The following C12orf56 variants were observed in gnomAD, a reference collection of about 807,000 sequenced individuals.
The protein encoded by C12orf56 is uncharacterized protein C12orf56.
A neutral mutation model predicts 69.9 loss-of-function variants in C12orf56; 71 were observed. The ratio of observed to expected loss-of-function variants is 1.02; its 90% CI spans 0.84 to 1.24. C12orf56 has a LOEUF of 1.24. Among genes scored for constraint, C12orf56 ranks in the 50% most tolerant of loss-of-function variants. The pLI is 0.00. For synonymous variants in C12orf56, 276 were observed against 274.1 expected (o/e 1.01, Z -0.07); for missense variants, 732 against 738.5 (o/e 0.99, Z 0.10).
At chr12:64,386,215 T>G (rs868797885) in intron 1 of C12orf56, among the ~76,000 whole-genome samples, 132 of 152,128 alleles carry the variant, frequency 8.7e-4, no homozygotes, top group African/African-American at 2.9e-3. Context: ...TTTGTAATTT[T>G]TAATTTTTAT....
At chr12:64,278,019 G>A (rs568510553) in intron 8 of C12orf56, among the ~76,000 whole-genome samples, 1 of 152,272 alleles carries the variant, frequency 6.6e-6, no homozygotes, top group East Asian at 1.9e-4. Context: ...GGCTCAGAGC[G>A]AGTGTAGTTC....
chr12:64,267,662 C>G (rs549382393), intron 12 of C12orf56: 1 of 174,204 alleles, frequency 5.7e-6, no homozygotes, highest in East Asian at 1.8e-4. Flanking sequence ...TAGAACTCAT[C>G]CCCCACGGCC....
Position 64,318,705 on chromosome 12 carries a change from G to A in C12orf56, c.764C>T (p.Ser255Phe), listed in dbSNP as rs1447504957. The A allele has an allele frequency of 1.3e-6, 2 of 1,537,174 alleles. No individual in the cohort carries two copies. The highest frequency in any genetic ancestry group is 1.7e-6 in the Non-Finnish European group (2 of 1,146,878). Reference protein sequence around the residue: ...GNGNEFYLGNSLLDSPSQSNS... With the variant: ...GNGNEFYLGNFLLDSPSQSNS... ...GCTCTGTGAAGGGGAATCTAAGAGG[G>A]AATTTCCTAAGTAAAACTCATTTCC... is the stretch of plus-strand genomic sequence containing the variant. Residue 255 changes from serine (S) to phenylalanine (F), a missense_variant, in exon 4 of 13, where the codon TCC becomes TTC. Transcript: ENST00000543942.
At chr12:64,326,663 C>T (rs1249677635) in intron 3 of C12orf56, among the ~76,000 whole-genome samples, 1 of 151,866 alleles carries the variant, frequency 6.6e-6, no homozygotes, top group Non-Finnish European at 1.5e-5. Flanking sequence ...CTTAGGGAAC[C>T]CAGGAGGCGG....
At chr12:64,274,002 C>T (rs1261164651) in intron 11 of C12orf56, among the ~76,000 whole-genome samples, 2 of 152,170 alleles carry the variant, frequency 1.3e-5, no homozygotes, top group Non-Finnish European at 2.9e-5. Flanking sequence ...ATGCAAACTG[C>T]AACAGTGACG....
At position 64,270,536 on chromosome 12, in the gene C12orf56, C is replaced by T; in HGVS notation, c.1763G>A (p.Arg588Lys). Residue 588 changes from arginine (R) to lysine (K), a missense_variant and splice_region_variant, in exon 12 of 13, where the codon AGG (arginine) becomes AAG (lysine). Coordinates refer to ENST00000543942, the MANE Select transcript of C12orf56 (RefSeq NM_001170633.2). The part of the protein sequence containing the change: ...YIRNNYREEF[R>K]YFIHMPALQK... ...ATTAGATTCAGACATTTTTTCTTAC[C>T]TGAATTCTTCTCTGTAGTTATTCCT... The T allele has an allele frequency of 6.5e-7, 1 of 1,536,558 alleles. No individual in the cohort carries two copies. Among genetic ancestry groups the T allele is most frequent in the African/African-American group, 1.4e-5 (1 of 71,850 alleles).
chr12:64,374,842 T>TTGAAAA (rs1592500382), intron 1 of C12orf56, among the ~76,000 whole-genome samples: 1 of 151,664 alleles, frequency 6.6e-6, no homozygotes, highest in East Asian at 2.0e-4. Context: ...CCATCCCCAG[T>TTGAAAA]CTTTATTTTC....
At chr12:64,269,775 G>T (rs2037957454) in intron 12 of C12orf56, among the ~76,000 whole-genome samples, 1 of 151,914 alleles carries the variant, frequency 6.6e-6, no homozygotes, top group Admixed American at 6.6e-5. Flanking sequence ...TTTTAGTAGA[G>T]ACGGGGTTTC....
At chr12:64,279,631 C>A (rs575190305) in intron 8 of C12orf56, among the ~76,000 whole-genome samples, 1 of 152,264 alleles carries the variant, frequency 6.6e-6, no homozygotes, top group African/African-American at 2.4e-5. Context: ...TGATTAGAAG[C>A]TCATGATTAA....
In C12orf56 at chr12:64,267,220, A is replaced by G. The variant is rs2037928014; in HGVS notation, c.1832T>C (p.Ile611Thr). ...TTTCAGAACTTCATGAAAAAGTTGA[A>G]TGGTAGGTTGAGTGATGGGGTAACA... ...PLCYPITQPT[I>T]QLFHEVLKLV... is the part of the protein sequence containing the mutation. Residue 611 changes from isoleucine (I) to threonine (T), a missense_variant, in exon 13 of 13, where the codon ATT becomes ACT. By Grantham distance (89) the Ile-to-Thr change is moderately conservative. Coordinates refer to ENST00000543942, the MANE Select transcript of C12orf56 (RefSeq NM_001170633.2). 1 of 1,612,194 alleles carries G rather than the reference A, an allele frequency of 6.2e-7. No homozygotes were observed. The highest frequency in any genetic ancestry group is 1.3e-5 in the African/African-American group (1 of 74,932).
chr12:64,299,067 G>A (rs943055675), intron 6 of C12orf56, among the ~76,000 whole-genome samples: 1 of 152,138 alleles, frequency 6.6e-6, no homozygotes, highest in Non-Finnish European at 1.5e-5. Flanking sequence ...CTTGAGCAGT[G>A]GTTTGTAGTT....
rs751699692 is a variant in C12orf56 at position 64,264,773 on chromosome 12, C to T, written c.*2410G>A. The T allele has an allele frequency of 9.2e-5, 14 of 152,188 alleles. No individual in the cohort carries two copies. The highest frequency in any genetic ancestry group is 1.6e-4 in the Non-Finnish European group (11 of 68,034). 9.4% of individuals were successfully genotyped at this position (152,188 alleles called of 1,614,324 possible). A position where few individuals can be genotyped will look rare whatever the true frequency, so the allele number is the denominator to read the frequency against. ...ACAGCAGAGAAGAATAGTGGTTGGA[C>T]AATCCTTCGAATTATTAGTTTCTGA... On this transcript the variant is annotated 3_prime_UTR_variant, in exon 13 of 13. Coordinates refer to ENST00000543942, the MANE Select transcript of C12orf56 (RefSeq NM_001170633.2).
At chr12:64,374,161 T>G (rs888233096) in intron 1 of C12orf56, among the ~76,000 whole-genome samples, 2 of 152,194 alleles carry the variant, frequency 1.3e-5, no homozygotes, top group African/African-American at 4.8e-5. Context: ...CCCAAAAGAA[T>G]TACCAGTTTT....
At chr12:64,307,582 T>C (rs1434873701) in intron 5 of C12orf56, among the ~76,000 whole-genome samples, 1 of 151,968 alleles carries the variant, frequency 6.6e-6, no homozygotes, top group Non-Finnish European at 1.5e-5. Flanking sequence ...TTGGCCAGGC[T>C]GGTCTTGAAC....
In C12orf56 at chr12:64,272,528, T is replaced by C. The variant is rs1450288120; in HGVS notation, c.1585-1814A>G. ...TCAAATAAATAAATAAATAAATAAA[T>C]AAATACCATGCAGGAAGGCTTACAT... is the stretch of plus-strand genomic sequence containing the variant. On this transcript the variant is annotated intron_variant, in intron 11 of 12. Coordinates refer to ENST00000543942, the MANE Select transcript of C12orf56 (RefSeq NM_001170633.2). 8.0e-5 allele frequency among the ~76,000 whole-genome samples: 12 copies of C among 150,304 alleles called. 1 individual carries two copies. The East Asian group carries it at 2.4e-3, about 30-fold the overall frequency.
chr12:64,378,880 G>A (rs1024604538), intron 1 of C12orf56, among the ~76,000 whole-genome samples: 16 of 151,920 alleles, frequency 1.1e-4, no homozygotes, highest in African/African-American at 1.9e-4. Context: ...GTGAAATCCC[G>A]TCTCAGTTAA....
At chr12:64,319,449 A>C (rs557844796) in intron 3 of C12orf56, among the ~76,000 whole-genome samples, 4 of 152,278 alleles carry the variant, frequency 2.6e-5, no homozygotes, top group African/African-American at 9.6e-5. Flanking sequence ...AGGTTGGAGT[A>C]CAGTGGTGCC....
At chr12:64,355,676 CTAAG>C (rs895970725) in intron 1 of C12orf56, 4 of 152,038 alleles carry the variant, frequency 2.6e-5, no homozygotes, top group African/African-American at 7.3e-5. Flanking sequence ...AAGATAATTC[CTAAG>C]TAAGAGAGAA....
intron 4 of C12orf56, among the ~76,000 whole-genome samples, chr12:64,316,345 A>G (rs532832147): frequency 6.6e-6 from 1 of 152,160 alleles, no homozygotes; most frequent in African/African-American, 2.4e-5. Context: ...TGATCCACCC[A>G]CTTCAGCCTC....
Sources: gnomAD v4.1 joint callset for allele counts (sites outside exome capture counted in the v4.1 genomes callset) on GRCh38, gnomAD v4.1.1 for gene constraint, MANE v1.5 for transcripts, NCBI Gene and HGNC (gene_info 2026-07-23, HGNC 2026-07-21) for gene names.